The following PHLDA3 variants were observed in gnomAD, a reference collection of about 807,000 sequenced individuals.
PHLDA3 encodes pleckstrin homology like domain family A member 3.
Under a neutral mutation model 7.6 loss-of-function variants are expected in PHLDA3, and 12 were observed. That is an observed-to-expected ratio of 1.58 (90% confidence interval 1.01 to 2.55). The LOEUF is 2.55. Ranked by LOEUF, PHLDA3 falls within the 30% of genes most tolerant of loss-of-function variation. The pLI is 0.00. For missense variants in PHLDA3, 177 were observed against 175.6 expected, an observed-to-expected ratio of 1.01 and a Z score of -0.05; for synonymous variants, 104 against 85.1, an observed-to-expected ratio of 1.22 and a Z score of -1.23.
At position 201,465,502 on chromosome 1, in the gene PHLDA3, C is replaced by T. The variant is rs375378782; in HGVS notation, c.*739G>A. On this transcript the variant is annotated 3_prime_UTR_variant, in exon 2 of 2. Transcript: ENST00000367311. Reference sequence around the variant, plus strand: ...TTTCACTCAGCAAACTGTGTGGTTACTGCCCTTTGCAGGGCATCTTCATTT... The same window carrying T: ...TTTCACTCAGCAAACTGTGTGGTTATTGCCCTTTGCAGGGCATCTTCATTT... The T allele has an allele frequency of 5.8e-5, 9 of 154,970 alleles. No homozygotes were observed. In the South Asian group the frequency reaches 1.8e-3, roughly 31 times the overall value. The allele number at this position is 154,970 out of a possible 1,614,324, so 9.6% of individuals were successfully genotyped here. A position where few individuals can be genotyped will look rare whatever the true frequency, so the allele number is the denominator to read the frequency against.
At chr1:201,467,923 C>A (rs928637806) in intron 1 of PHLDA3, among the ~76,000 whole-genome samples, 2 of 152,168 alleles carry the variant, frequency 1.3e-5, no homozygotes, top group African/African-American at 4.8e-5. Context: ...CGTCCCCACC[C>A]TCGGTTGTCC....
In PHLDA3 at chr1:201,468,872, G is replaced by A. The variant is rs1244749104; in HGVS notation, c.-86C>T. ...CCGCAGCGCAGGATTCTGGCGCCCC[G>A]GGCTGGCAGGCCGTGCGCGCTGCCC... On this transcript the variant is annotated 5_prime_UTR_variant, in exon 1 of 2. Transcript: ENST00000367311. The A allele has an allele frequency of 7.4e-7, 1 of 1,351,448 alleles. No homozygotes were observed. The allele number at this position is 1,351,448 out of a possible 1,614,324, so 83.7% of individuals were successfully genotyped here.
At position 201,468,111 on chromosome 1, in the gene PHLDA3, CCT is replaced by C. The variant is rs1467633287; in HGVS notation, c.*62+228_*62+229del. ...ATCCCCCTCCCAGGGCTTCCATCTT[CCT>C]CTCACACACCTGGATCACATTCTGG... On this transcript the variant is annotated intron_variant, in intron 1 of 1. Transcript: ENST00000367311. 3.9e-5 allele frequency among the ~76,000 whole-genome samples: 6 copies of C among 152,336 alleles called. No homozygotes were observed. In the East Asian group the frequency reaches 1.2e-3, roughly 29 times the overall value.
intron 1 of PHLDA3, among the ~76,000 whole-genome samples, chr1:201,467,282 C>G (rs1040174359): frequency 6.6e-6 from 1 of 151,924 alleles, no homozygotes; most frequent in East Asian, 1.9e-4. Flanking sequence ...TGCTACTGCA[C>G]CAGTCTGGGC....
rs757849606 is a variant in PHLDA3 at position 201,468,417 on chromosome 1, T to C, written c.370A>G (p.Thr124Ala). 2 of 1,613,796 alleles carry C rather than the reference T, an allele frequency of 1.2e-6. No individual in the cohort carries two copies. Among genetic ancestry groups the C allele is most frequent in the Non-Finnish European group, 1.7e-6 (2 of 1,179,900 alleles). Residue 124 changes from threonine to alanine, a missense_variant, in exon 1 of 2, where the codon ACC (threonine) becomes GCC (alanine). Physicochemically the swap from Thr to Ala is moderately conservative, Grantham distance 58. Coordinates refer to ENST00000367311, the MANE Select transcript of PHLDA3 (RefSeq NM_012396.5). ...VRARQSLGTG[T>A]LVS ...CGCCCGGTGGTTTAGGACACGAGGG[T>C]CCCGGTCCCGAGGCTCTGCCGGGCC... is the stretch of plus-strand genomic sequence containing the variant.
In PHLDA3 at chr1:201,468,487, T is replaced by C. The variant is rs766904243; in HGVS notation, c.300A>G (p.Leu100=). 2 of 1,614,154 alleles carry C rather than the reference T, an allele frequency of 1.2e-6. No homozygotes were observed. The highest frequency in any genetic ancestry group is 1.7e-5 in the Admixed American group (1 of 60,032). Residue 100 remains leucine, a synonymous_variant, in exon 1 of 2, where the codon CTA becomes CTG. Coordinates refer to ENST00000367311, the MANE Select transcript of PHLDA3 (RefSeq NM_012396.5). ...GCTGGTTCTTGAACTTGACCAGGCC[T>C]AGGGTGATCTGGGCGTTCCAGCCGG... ...EDPGWNAQIT[L]GLVKFKNQQA...
At chr1:201,467,643 C>G (rs1294613990) in intron 1 of PHLDA3, 1 of 27,450 alleles carries the variant, frequency 3.6e-5, no homozygotes. Flanking sequence ...AAACCATACA[C>G]ACACACACAC....
chr1:201,466,216 A>G (rs894802990), intron 1 of PHLDA3, 38 bp from the exon 2 acceptor site: 1 of 153,708 alleles, frequency 6.5e-6, no homozygotes, highest in Non-Finnish European at 1.5e-5. Context: ...AGGGGCAACA[A>G]TGGAGAAAGG....
At chr1:201,467,756 A>C (rs1475824068) in intron 1 of PHLDA3, among the ~76,000 whole-genome samples, 1 of 152,018 alleles carries the variant, frequency 6.6e-6, no homozygotes, top group Non-Finnish European at 1.5e-5. Context: ...CCTTCCACTG[A>C]GGCCCCACCT....
intron 1 of PHLDA3, among the ~76,000 whole-genome samples, chr1:201,467,986 G>A (rs1223039699): frequency 6.6e-6 from 1 of 152,218 alleles, no homozygotes; most frequent in Non-Finnish European, 1.5e-5. Flanking sequence ...GGAAAGCAGA[G>A]GCCCACAGCC....
At chr1:201,468,131 C>T (rs1041235593) in intron 1 of PHLDA3, among the ~76,000 whole-genome samples, 2 of 152,250 alleles carry the variant, frequency 1.3e-5, no homozygotes, top group African/African-American at 4.8e-5. Context: ...ACCTGGATCA[C>T]ATTCTGGACC....
In PHLDA3 at chr1:201,468,880, A is replaced by G; in HGVS notation, c.-94T>C. 3 of 1,327,630 alleles carry G rather than the reference A, an allele frequency of 2.3e-6. No homozygotes were observed. The highest frequency in any genetic ancestry group is 2.9e-6 in the Non-Finnish European group (3 of 1,032,816). 82.2% of individuals were successfully genotyped at this position (1,327,630 alleles called of 1,614,324 possible). A position where few individuals can be genotyped will look rare whatever the true frequency, so the allele number is the denominator to read the frequency against. On this transcript the variant is annotated 5_prime_UTR_variant, in exon 1 of 2. Transcript: ENST00000367311. The stretch of plus-strand genomic sequence containing the variant: ...CAGGATTCTGGCGCCCCGGGCTGGC[A>G]GGCCGTGCGCGCTGCCCACCTGCGC...
rs1444829463 is a variant in PHLDA3 at position 201,464,651 on chromosome 1, G to A, written c.*1590C>T. On this transcript the variant is annotated 3_prime_UTR_variant, in exon 2 of 2. Transcript: ENST00000367311. ...CTCCCTCCAGAGAGACCCTGTAGTA[G>A]GCCACTGCTTTGCAACAGGGAAGGT... 1 of 152,252 alleles carries A rather than the reference G, an allele frequency of 6.6e-6. No individual in the cohort carries two copies. Among genetic ancestry groups the A allele is most frequent in the African/African-American group, 2.4e-5 (1 of 41,452 alleles). The allele number at this position is 152,252 out of a possible 1,614,324, so 9.4% of individuals were successfully genotyped here. A position where few individuals can be genotyped will look rare whatever the true frequency, so the allele number is the denominator to read the frequency against.
intron 1 of PHLDA3, 37 bp downstream of exon 1, chr1:201,468,304 G>A (rs766471216): frequency 6.3e-6 from 8 of 1,278,902 alleles, no homozygotes; most frequent in Non-Finnish European, 8.9e-6. Context: ...AGAAGGGAGG[G>A]AAGGAGAGAA....
In PHLDA3 at chr1:201,468,712, C is replaced by T. The variant is rs1163294583; in HGVS notation, c.75G>A (p.Leu25=). ...LEKRSGGLLQ[L]WKRKRCVLTE... ...TGAGGACGCAGCGCTTCCGCTTCCACAGCTGCAGCAGCCCGCCGCTGCGCT... is the reference window on the plus strand; with the variant it reads ...TGAGGACGCAGCGCTTCCGCTTCCATAGCTGCAGCAGCCCGCCGCTGCGCT... Residue 25 remains leucine (L), a synonymous_variant, in exon 1 of 2, where the codon CTG becomes CTA. Transcript: ENST00000367311. 1 of 1,604,688 alleles carries T rather than the reference C, an allele frequency of 6.2e-7. No individual in the cohort carries two copies. The highest frequency in any genetic ancestry group is 1.7e-5 in the Admixed American group (1 of 59,566).
chr1:201,468,389 G>C lies in PHLDA3; in HGVS notation c.*14C>G. 1 of 1,613,696 alleles carries C rather than the reference G, an allele frequency of 6.2e-7. No individual in the cohort carries two copies. Among genetic ancestry groups the C allele is most frequent in the Non-Finnish European group, 8.5e-7 (1 of 1,179,882 alleles). ...TGGTGGGTAGCATGAAGGAAAGATGGTGCGCCCGGTGGTTTAGGACACGAG... is the reference window on the plus strand; with the variant it reads ...TGGTGGGTAGCATGAAGGAAAGATGCTGCGCCCGGTGGTTTAGGACACGAG... On this transcript the variant is annotated 3_prime_UTR_variant, in exon 1 of 2. Transcript: ENST00000367311.
chr1:201,465,786 CTTT>C lies in PHLDA3; in HGVS notation c.*452_*454del, dbSNP rs1189670986. On this transcript the variant is annotated 3_prime_UTR_variant, in exon 2 of 2. Coordinates refer to ENST00000367311, the MANE Select transcript of PHLDA3 (RefSeq NM_012396.5). ...CCTGGGTACCAGGCCCTGGGTACTC[CTTT>C]TGGTACCAGGCTGGCCTCCTGATTC... The C allele has an allele frequency of 6.5e-6, 1 of 154,902 alleles. No homozygotes were observed. Among genetic ancestry groups the C allele is most frequent in the East Asian group, 1.9e-4 (1 of 5,182 alleles). 9.6% of individuals were successfully genotyped at this position (154,902 alleles called of 1,614,324 possible). A position where few individuals can be genotyped will look rare whatever the true frequency, so the allele number is the denominator to read the frequency against.
chr1:201,468,611 T>G lies in PHLDA3; in HGVS notation c.176A>C (p.Lys59Thr). 1 of 1,613,748 alleles carries G rather than the reference T, an allele frequency of 6.2e-7. No individual in the cohort carries two copies. The highest frequency in any genetic ancestry group is 8.5e-7 in the Non-Finnish European group (1 of 1,179,986). The change falls in exon 1 of 2, where the codon AAG becomes ACG. Residue 59 changes from lysine to threonine, a missense_variant. Coordinates refer to ENST00000367311, the MANE Select transcript of PHLDA3 (RefSeq NM_012396.5). ...RPKELSFARI[K>T]AVECVESTGR... Reference sequence around the variant, plus strand: ...GGTGCTCTCCACGCACTCCACGGCCTTGATGCGGGCGAAGCTGAGCTCCTT... The same window carrying G: ...GGTGCTCTCCACGCACTCCACGGCCGTGATGCGGGCGAAGCTGAGCTCCTT...
chr1:201,468,977 A>G lies in PHLDA3; in HGVS notation c.-191T>C, dbSNP rs1663757380. The G allele has an allele frequency of 9.4e-6, 5 of 530,016 alleles. No individual in the cohort carries two copies. Among genetic ancestry groups the G allele is most frequent in the Non-Finnish European group, 1.5e-5 (5 of 341,340 alleles). The allele number at this position is 530,016 out of a possible 1,614,324, so 32.8% of individuals were successfully genotyped here. ...CCGGTGAGGTGGTGTCGGTGCCCCC[A>G]GCGCGCTCCGCGCCCACCGCCCCGC... On this transcript the variant is annotated 5_prime_UTR_variant, in exon 1 of 2. Coordinates refer to ENST00000367311, the MANE Select transcript of PHLDA3 (RefSeq NM_012396.5).
Sources: gnomAD v4.1 joint callset for allele counts (sites outside exome capture counted in the v4.1 genomes callset) on GRCh38, gnomAD v4.1.1 for gene constraint, MANE v1.5 for transcripts, NCBI Gene and HGNC (gene_info 2026-07-23, HGNC 2026-07-21) for gene names.